The following SLCO5A1 variants were observed in gnomAD, a reference collection of about 807,000 sequenced individuals.
SLCO5A1 encodes organic anion transporter polypeptide-related protein 4.
In SLCO5A1, 39 loss-of-function variants were observed where a neutral mutation model predicts 65.1. That is an observed-to-expected ratio of 0.60 (90% CI 0.46 to 0.78). SLCO5A1 has a LOEUF of 0.78. Among genes scored for constraint, SLCO5A1 ranks in the 30% least tolerant of loss-of-function variants. SLCO5A1 has a pLI of 0.00. For synonymous variants in SLCO5A1, 438 were observed against 415.7 expected, an observed-to-expected ratio of 1.05 and a Z score of -0.65; for missense variants, 1,029 against 1,069.4, an observed-to-expected ratio of 0.96 and a Z score of 0.53.
intron 4 of SLCO5A1, among the ~76,000 whole-genome samples, chr8:69,750,533 A>G (rs867500233): frequency 6.6e-6 from 1 of 152,084 alleles, no homozygotes; most frequent in Non-Finnish European, 1.5e-5. Context: ...CCTCTGCCAC[A>G]TATGTCCAAC....
intron 3 of SLCO5A1, among the ~76,000 whole-genome samples, chr8:69,759,722 T>C (rs1175891903): frequency 6.6e-6 from 1 of 152,210 alleles, no homozygotes; most frequent in African/African-American, 2.4e-5. Flanking sequence ...CTCAGCTCAC[T>C]GCAACCTCCA....
chr8:69,780,999 A>G (rs1027689563), intron 2 of SLCO5A1, among the ~76,000 whole-genome samples: 1 of 152,222 alleles, frequency 6.6e-6, no homozygotes, highest in African/African-American at 2.4e-5. Flanking sequence ...TTCCATAAGG[A>G]TGGCAGGGAA....
intron 5 of SLCO5A1, among the ~76,000 whole-genome samples, chr8:69,716,257 T>C (rs1815532292): frequency 6.6e-6 from 1 of 152,254 alleles, no homozygotes; most frequent in Admixed American, 6.5e-5. Flanking sequence ...TTGTTTCTAC[T>C]TTTTGGTTAT....
At chr8:69,695,666 G>A (rs1814468195) in intron 6 of SLCO5A1, among the ~76,000 whole-genome samples, 1 of 151,972 alleles carries the variant, frequency 6.6e-6, no homozygotes, top group African/African-American at 2.4e-5. Context: ...AACCAGGAGA[G>A]ATTGACATTA....
In SLCO5A1 at chr8:69,824,342, G is replaced by GT. The variant is rs1820777056; in HGVS notation, c.907+7424dup. On this transcript the variant is annotated intron_variant, in intron 2 of 9. Transcript: ENST00000260126. The stretch of plus-strand genomic sequence containing the variant: ...AAAAAATTAATGAATCCAGGAGCTG[G>GT]TTTTTTGAACAGATCAACAATATTG... Among the ~76,000 whole-genome samples the GT allele has an allele frequency of 3.3e-5, 5 of 152,110 alleles. No homozygotes were observed. In the South Asian group the frequency reaches 1.0e-3, roughly 32 times the overall value.
At chr8:69,675,383 G>A (rs1414898989) in intron 9 of SLCO5A1, among the ~76,000 whole-genome samples, 4 of 151,860 alleles carry the variant, frequency 2.6e-5, no homozygotes, top group African/African-American at 7.3e-5. Context: ...CGTCACGTTG[G>A]CCAGGCTGGT....
intron 5 of SLCO5A1, among the ~76,000 whole-genome samples, chr8:69,727,906 C>T (rs991808357): frequency 2.0e-4 from 31 of 152,138 alleles, no homozygotes; most frequent in African/African-American, 7.5e-4. Flanking sequence ...TCTCTGCCAG[C>T]GCAAACGCAA....
At chr8:69,708,753 A>T (rs1815085139) in intron 5 of SLCO5A1, among the ~76,000 whole-genome samples, 1 of 151,918 alleles carries the variant, frequency 6.6e-6, no homozygotes, top group Non-Finnish European at 1.5e-5. Context: ...AAAACACAAA[A>T]ATCAGTAGGG....
At chr8:69,738,337 G>C in intron 4 of SLCO5A1, 133 bp from the exon 5 acceptor site, 2 of 781,264 alleles carry the variant, frequency 2.6e-6, no homozygotes, top group South Asian at 2.5e-5. Context: ...AAAATAGAAA[G>C]ATCTGATGAC....
chr8:69,784,951 A>G (rs193061324), intron 2 of SLCO5A1, among the ~76,000 whole-genome samples: 1 of 147,264 alleles, frequency 6.8e-6, no homozygotes, highest in Non-Finnish European at 1.5e-5. Flanking sequence ...AGAAAGAAAG[A>G]AGAAAGGAAG....
rs369410967 is a variant in SLCO5A1 at position 69,828,253 on chromosome 8, G to A, written c.907+3514C>T. Reference sequence around the variant, plus strand: ...GGTTTCTTAAAGAATGTGTTCTAACGCATTCATCATTTTTTTTTTTTTTAA... The same window carrying A: ...GGTTTCTTAAAGAATGTGTTCTAACACATTCATCATTTTTTTTTTTTTTAA... On this transcript the variant is annotated intron_variant, in intron 2 of 9. Coordinates refer to ENST00000260126, the MANE Select transcript of SLCO5A1 (RefSeq NM_030958.3). 2.9e-3 allele frequency among the ~76,000 whole-genome samples: 367 copies of A among 127,398 alleles called. 2 individuals carry two copies. The highest frequency in any genetic ancestry group is 0.012 in the African/African-American group (345 of 29,624). The allele number at this position is 127,398 out of a possible 152,430, so 83.6% of individuals were successfully genotyped here.
At chr8:69,761,447 C>T in intron 3 of SLCO5A1, 1 of 300,204 alleles carries the variant, frequency 3.3e-6, no homozygotes, top group Non-Finnish European at 6.1e-6. Context: ...TTCTTGCCCT[C>T]CTGCTTCCGT....
chr8:69,681,073 C>T (rs1366936878), intron 7 of SLCO5A1, among the ~76,000 whole-genome samples: 2 of 151,906 alleles, frequency 1.3e-5, no homozygotes, highest in East Asian at 1.9e-4. Context: ...TTCAACATGG[C>T]GACACAGTGG....
chr8:69,703,233 A>G (rs1814828901), intron 6 of SLCO5A1, among the ~76,000 whole-genome samples: 1 of 152,208 alleles, frequency 6.6e-6, no homozygotes, highest in Non-Finnish European at 1.5e-5. Context: ...AACAGCACTC[A>G]TATCCATTGC....
At chr8:69,745,588 C>A (rs905685157) in intron 4 of SLCO5A1, among the ~76,000 whole-genome samples, 3 of 151,920 alleles carry the variant, frequency 2.0e-5, no homozygotes, top group South Asian at 2.1e-4. Flanking sequence ...ACATACTGGC[C>A]CCTCTTAATG....
At position 69,686,623 on chromosome 8, in the gene SLCO5A1, A is replaced by T. The variant is rs539030312; in HGVS notation, c.1623-4280T>A. Among the ~76,000 whole-genome samples the T allele has an allele frequency of 3.3e-5, 5 of 152,308 alleles. No individual in the cohort carries two copies. In the East Asian group the frequency reaches 9.7e-4, roughly 29 times the overall value. ...ACGAAGAAATTGAAGATTTGAGAGGATAGGCACTGCCAAAGTCACACAGCT... is the reference window on the plus strand; with the variant it reads ...ACGAAGAAATTGAAGATTTGAGAGGTTAGGCACTGCCAAAGTCACACAGCT... On this transcript the variant is annotated intron_variant, in intron 6 of 9. Transcript: ENST00000260126.
chr8:69,803,975 C>A (rs147985170), intron 2 of SLCO5A1, among the ~76,000 whole-genome samples: 20 of 152,042 alleles, frequency 1.3e-4, no homozygotes, highest in Non-Finnish European at 2.8e-4. Context: ...TTCCACACCC[C>A]CTTCCTCACC....
rs187448350 is a variant in SLCO5A1, at chr8:69,793,399, A to G, written c.908-31524T>C. On this transcript the variant is annotated intron_variant, in intron 2 of 9. Coordinates refer to ENST00000260126, the MANE Select transcript of SLCO5A1 (RefSeq NM_030958.3). Reference sequence around the variant, plus strand: ...AGAAATAAAAGTCATTCAGAACCCTACTACCCAGAGATGGCTACTTTCACA... The same window carrying G: ...AGAAATAAAAGTCATTCAGAACCCTGCTACCCAGAGATGGCTACTTTCACA... Among the ~76,000 whole-genome samples, 1,248 of 152,254 alleles carry G rather than the reference A, an allele frequency of 8.2e-3. 12 individuals carry two copies. The highest frequency in any genetic ancestry group is 0.028 in the African/African-American group (1,181 of 41,548).
chr8:69,701,810 G>A (rs1814748438), intron 6 of SLCO5A1, among the ~76,000 whole-genome samples: 1 of 152,148 alleles, frequency 6.6e-6, no homozygotes, highest in Admixed American at 6.5e-5. Flanking sequence ...CCAGGCCATA[G>A]TCATTCATAT....
Sources: gnomAD v4.1 joint callset for allele counts (sites outside exome capture counted in the v4.1 genomes callset) on GRCh38, gnomAD v4.1.1 for gene constraint, MANE v1.5 for transcripts, NCBI Gene and HGNC (gene_info 2026-07-23, HGNC 2026-07-21) for gene names.